PLEKHA3: variants seen among roughly 807,000 people sequenced by gnomAD.
PLEKHA3 encodes the protein pleckstrin homology domain-containing family A member 3.
Under a neutral mutation model 39.2 loss-of-function variants are expected in PLEKHA3, and 19 were observed. The ratio of observed to expected loss-of-function variants is 0.48; its 90% confidence interval spans 0.34 to 0.71. The LOEUF is 0.71. Among genes scored for constraint, PLEKHA3 ranks in the 30% least tolerant of loss-of-function variants. The pLI is 0.01. For missense variants in PLEKHA3, 253 were observed against 359.5 expected (o/e 0.70, Z 2.40); for synonymous variants, 97 against 118.6 (o/e 0.82, Z 1.18).
At chr2:178,495,860 T>C (rs1685435075) in intron 5 of PLEKHA3, among the ~76,000 whole-genome samples, 200 bp downstream of exon 5, 2 of 152,214 alleles carry the variant, frequency 1.3e-5, no homozygotes, top group South Asian at 4.1e-4. Flanking sequence ...AGTGTCCTCA[T>C]TCCCTTCTCC....
intron 1 of PLEKHA3, among the ~76,000 whole-genome samples, chr2:178,481,327 T>C (rs2154127447): frequency 6.6e-6 from 1 of 152,356 alleles, no homozygotes; most frequent in East Asian, 1.9e-4. Context: ...TTTTAATTCT[T>C]TTTTGTATTT....
rs911869310 is a variant in PLEKHA3 at position 178,493,967 on chromosome 2, A to G, written c.428A>G (p.Asn143Ser). 1.9e-6 allele frequency: 3 copies of G among 1,613,906 alleles called. No homozygotes were observed. In the African/African-American group the frequency reaches 4.0e-5, roughly 22 times the overall value. The change falls in exon 4 of 8, where the codon AAT (asparagine) becomes AGT (serine). Residue 143 changes from asparagine (N) to serine (S), a missense_variant. Transcript: ENST00000234453. ...CAGGAATTTGTTCACCATGATGAGA[A>G]TCATTCATCTCCTAGTGCAGAGGTA... ...TIQEFVHHDENHSSPSAENMN... is the reference protein window; with the variant it reads ...TIQEFVHHDESHSSPSAENMN...
chr2:178,495,919 C>T lies in PLEKHA3; in HGVS notation c.615+259C>T, dbSNP rs971008989. Among the ~76,000 whole-genome samples the T allele has an allele frequency of 2.0e-5, 3 of 152,080 alleles. No homozygotes were observed. In the East Asian group the frequency reaches 5.8e-4, roughly 29 times the overall value. On this transcript the variant is annotated intron_variant, in intron 5 of 7. Coordinates refer to ENST00000234453, the MANE Select transcript of PLEKHA3 (RefSeq NM_019091.4). ...CCCACAGGCTGCTTCATCCATTTTC[C>T]CCAGTGTCTAGGAAAATATTACAAA... is the stretch of plus-strand genomic sequence containing the variant.
intron 3 of PLEKHA3, among the ~76,000 whole-genome samples, chr2:178,492,945 A>C (rs1027264687): frequency 6.6e-6 from 1 of 152,188 alleles, no homozygotes; most frequent in Non-Finnish European, 1.5e-5. Context: ...TTTTTTTTAA[A>C]AAGGAGAAAG....
chr2:178,491,413 G>T (rs945782779), intron 3 of PLEKHA3, among the ~76,000 whole-genome samples: 1 of 152,176 alleles, frequency 6.6e-6, no homozygotes. Flanking sequence ...AAAAAAGCAG[G>T]ATTCAGAATT....
chr2:178,488,257 GT>G (rs1186274493), intron 2 of PLEKHA3, among the ~76,000 whole-genome samples: 1 of 152,208 alleles, frequency 6.6e-6, no homozygotes. Context: ...TGTTGCAGAT[GT>G]TTTCTTCCAC....
chr2:178,490,776 A>G lies in PLEKHA3; in HGVS notation c.275A>G (p.Lys92Arg). 6.2e-7 allele frequency: 1 copy of G among 1,614,012 alleles called. No individual in the cohort carries two copies. Among genetic ancestry groups the G allele is most frequent in the Non-Finnish European group, 8.5e-7 (1 of 1,179,938 alleles). ...TGGCTGGTCGCTCTGGGGAGCTCCA[A>G]AGCATGTTTGACTGATACAAGGACT... ...QRWLVALGSSKACLTDTRTKK... is the reference protein window; with the variant it reads ...QRWLVALGSSRACLTDTRTKK... Residue 92 changes from lysine to arginine, a missense_variant, in exon 3 of 8, where the codon AAA (lysine) becomes AGA (arginine). Transcript: ENST00000234453.
rs778676198 is a variant in PLEKHA3 at position 178,480,850 on chromosome 2, G to C, written c.-20G>C. On this transcript the variant is annotated 5_prime_UTR_variant, in exon 1 of 8. Coordinates refer to ENST00000234453, the MANE Select transcript of PLEKHA3 (RefSeq NM_019091.4). Reference sequence around the variant, plus strand: ...GGCCGGCGCCGGGCCGGGAGGATGCGCGGTGTGGGGCTCTGAAGCATGGAG... The same window carrying C: ...GGCCGGCGCCGGGCCGGGAGGATGCCCGGTGTGGGGCTCTGAAGCATGGAG... 4.5e-6 allele frequency: 6 copies of C among 1,318,718 alleles called. No homozygotes were observed. In the Admixed American group the frequency reaches 1.8e-4, roughly 40 times the overall value. 81.7% of individuals were successfully genotyped at this position (1,318,718 alleles called of 1,614,324 possible).
In PLEKHA3 at chr2:178,516,041, C is replaced by G. The variant is rs1685758821; in HGVS notation, c.*12154C>G. 6.6e-6 allele frequency: 1 copy of G among 150,900 alleles called. No individual in the cohort carries two copies. Among genetic ancestry groups the G allele is most frequent in the Non-Finnish European group, 1.5e-5 (1 of 67,696 alleles). The allele number at this position is 150,900 out of a possible 1,614,324, so 9.3% of individuals were successfully genotyped here. On this transcript the variant is annotated 3_prime_UTR_variant, in exon 8 of 8. Transcript: ENST00000234453. ...AGCTAGTTATAAGATGTATATATAGCTTATATATGTGTATATACACATACA... is the reference window on the plus strand; with the variant it reads ...AGCTAGTTATAAGATGTATATATAGGTTATATATGTGTATATACACATACA...
At chr2:178,494,528 C>G (rs1467609520) in intron 4 of PLEKHA3, among the ~76,000 whole-genome samples, 1 of 152,158 alleles carries the variant, frequency 6.6e-6, no homozygotes, top group Non-Finnish European at 1.5e-5. Context: ...GTTGCCTGTC[C>G]CTTTTTGCCT....
rs1685737577 is a variant in PLEKHA3 at position 178,514,863 on chromosome 2, T to A, written c.*10976T>A. 6.6e-6 allele frequency: 1 copy of A among 152,132 alleles called. No individual in the cohort carries two copies. Among genetic ancestry groups the A allele is most frequent in the Non-Finnish European group, 1.5e-5 (1 of 68,032 alleles). 9.4% of individuals were successfully genotyped at this position (152,132 alleles called of 1,614,324 possible). A position where few individuals can be genotyped will look rare whatever the true frequency, so the allele number is the denominator to read the frequency against. ...TACAGGGATGAGTTGCCCTCCATTC[T>A]CCTTGCCATATTTGGTTAATCTAGG... On this transcript the variant is annotated 3_prime_UTR_variant, in exon 8 of 8. Transcript: ENST00000234453.
In PLEKHA3 at chr2:178,510,317, T is replaced by G. The variant is rs1685663929; in HGVS notation, c.*6430T>G. 1 of 153,804 alleles carries G rather than the reference T, an allele frequency of 6.5e-6. No individual in the cohort carries two copies. The highest frequency in any genetic ancestry group is 2.4e-5 in the African/African-American group (1 of 41,476). 9.5% of individuals were successfully genotyped at this position (153,804 alleles called of 1,614,324 possible). On this transcript the variant is annotated 3_prime_UTR_variant, in exon 8 of 8. Transcript: ENST00000234453. Reference sequence around the variant, plus strand: ...AGAGTATAACAATTTTGATGTGCTTTTAAGCTTTATTGGTATTATATTTTG... The same window carrying G: ...AGAGTATAACAATTTTGATGTGCTTGTAAGCTTTATTGGTATTATATTTTG...
Position 178,505,099 on chromosome 2 carries a change from C to A in PLEKHA3, c.*1212C>A, listed in dbSNP as rs1398004500. On this transcript the variant is annotated 3_prime_UTR_variant, in exon 8 of 8. Coordinates refer to ENST00000234453, the MANE Select transcript of PLEKHA3 (RefSeq NM_019091.4). ...TGTATTTTTTACATTCATTGATATT[C>A]TGTCTAATCTTTATTAGGCACTAAT... 1 of 152,306 alleles carries A rather than the reference C, an allele frequency of 6.6e-6. No individual in the cohort carries two copies. The highest frequency in any genetic ancestry group is 1.9e-4 in the East Asian group (1 of 5,194). 9.4% of individuals were successfully genotyped at this position (152,306 alleles called of 1,614,324 possible). A position where few individuals can be genotyped will look rare whatever the true frequency, so the allele number is the denominator to read the frequency against.
rs531199150 is a variant in PLEKHA3 at position 178,500,658 on chromosome 2, G to C, written c.660-403G>C. Among the ~76,000 whole-genome samples the C allele has an allele frequency of 2.6e-5, 4 of 152,092 alleles. No homozygotes were observed. In the East Asian group the frequency reaches 7.7e-4, roughly 29 times the overall value. ...GCTGTTGTCAGTGAGTCTACCTCTA[G>C]CTCTATGAACTCCTTGCCCATCTCT... On this transcript the variant is annotated intron_variant, in intron 6 of 7. Coordinates refer to ENST00000234453, the MANE Select transcript of PLEKHA3 (RefSeq NM_019091.4).
chr2:178,490,885 C>A, intron 3 of PLEKHA3, 71 bp downstream of exon 3: 1 of 1,249,780 alleles, frequency 8.0e-7, no homozygotes, highest in Non-Finnish European at 1.1e-6. Flanking sequence ...CTAAATTAGC[C>A]TGTCCACTTT....
At chr2:178,492,952 A>G (rs1204477314) in intron 3 of PLEKHA3, among the ~76,000 whole-genome samples, 3 of 152,194 alleles carry the variant, frequency 2.0e-5, no homozygotes, top group Non-Finnish European at 4.4e-5. Flanking sequence ...TAAAAAGGAG[A>G]AAGAATAGGC....
At chr2:178,492,449 A>G in intron 3 of PLEKHA3, among the ~76,000 whole-genome samples, 1 of 131,864 alleles carries the variant, frequency 7.6e-6, no homozygotes, top group East Asian at 2.3e-4. Context: ...AGACATTACA[A>G]TAAGTAAAAA....
chr2:178,502,921 T>C (rs1296133851), intron 7 of PLEKHA3, among the ~76,000 whole-genome samples: 1 of 152,032 alleles, frequency 6.6e-6, no homozygotes, highest in African/African-American at 2.4e-5. Flanking sequence ...CTGTTTATAC[T>C]AGTTTAGTGT....
chr2:178,485,851 C>T (rs944653148), intron 2 of PLEKHA3, 94 bp downstream of exon 2: 17 of 864,084 alleles, frequency 2.0e-5, no homozygotes, highest in Admixed American at 7.6e-5. Flanking sequence ...TTTCTAACCA[C>T]GTAGGGATCA....
Sources: allele counts gnomAD v4.1 joint callset (sites outside exome capture counted in the v4.1 genomes callset), GRCh38; gene constraint gnomAD v4.1.1; transcripts MANE v1.5; gene names NCBI Gene and HGNC (gene_info 2026-07-23, HGNC 2026-07-21).